The following ACSS2 variants were observed in gnomAD, a reference collection of about 807,000 sequenced individuals.
ACSS2 encodes acyl-CoA synthetase short chain family member 2, also known as acetyl-coenzyme A synthetase, cytoplasmic.
Under a neutral mutation model 90.6 loss-of-function variants are expected in ACSS2, and 58 were observed. That is an observed-to-expected ratio of 0.64 (90% CI 0.52 to 0.80). ACSS2 has a LOEUF of 0.80. ACSS2 is among the 30% of genes least tolerant of loss of function. The probability of loss-of-function intolerance (pLI) is 0.00; values close to 1 mark genes in which losing one functional copy is unlikely to be tolerated. For missense variants in ACSS2, 759 were observed against 912.0 expected, an observed-to-expected ratio of 0.83 and a Z score of 2.16; for synonymous variants, 300 against 330.9, an observed-to-expected ratio of 0.91 and a Z score of 1.01.
upstream of ACSS2, among the ~76,000 whole-genome samples, chr20:34,875,691 A>G (rs1321491077): frequency 6.6e-6 from 1 of 152,268 alleles, no homozygotes. Flanking sequence ...TCTGGAGTCA[A>G]AGAACCTAGC....
At chr20:34,885,185 G>A (rs1348889832) in intron 2 of ACSS2, among the ~76,000 whole-genome samples, 1 of 152,004 alleles carries the variant, frequency 6.6e-6, no homozygotes, top group Non-Finnish European at 1.5e-5. Flanking sequence ...GGGCAACAGA[G>A]CAAGACCCTG....
Position 34,913,443 on chromosome 20 carries a change from C to G in ACSS2, c.517C>G (p.Leu173Val), listed in dbSNP as rs781417915. 5.6e-6 allele frequency: 9 copies of G among 1,613,650 alleles called. No individual in the cohort carries two copies. Among genetic ancestry groups the G allele is most frequent in the African/African-American group, 1.3e-5 (1 of 74,754 alleles). ...VAIYMPMIPE[L>V]VVAMLACARI... ...CATCTACATGCCTATGATCCCAGAG[C>G]TTGTGGTGGCCATGCTGGCATGTGC... The change falls in exon 4 of 18, where the codon CTT becomes GTT. Residue 173 changes from leucine to valine, a missense_variant. Transcript: ENST00000360596.
intron 7 of ACSS2, among the ~76,000 whole-genome samples, chr20:34,915,594 G>A (rs1282465390): frequency 6.6e-6 from 1 of 152,166 alleles, no homozygotes; most frequent in African/African-American, 2.4e-5. Context: ...AGGAGGAGGA[G>A]GAGGTGGAGG....
At chr20:34,900,575 A>T (rs2147032367) in intron 2 of ACSS2, among the ~76,000 whole-genome samples, 1 of 152,274 alleles carries the variant, frequency 6.6e-6, no homozygotes, top group East Asian at 1.9e-4. Context: ...CCACTGATTG[A>T]GGCTATTTAC....
Position 34,913,450 on chromosome 20 carries a change from T to G in ACSS2, c.524T>G (p.Val175Gly). Residue 175 changes from valine to glycine, a missense_variant, in exon 4 of 18, where the codon GTG becomes GGG. By Grantham distance (109) the Val-to-Gly change is moderately radical (BLOSUM62 -3). Coordinates refer to ENST00000360596, the MANE Select transcript of ACSS2 (RefSeq NM_018677.4). ...IYMPMIPELVVAMLACARIGA... is the reference protein window; with the variant it reads ...IYMPMIPELVGAMLACARIGA... ...ATGCCTATGATCCCAGAGCTTGTGG[T>G]GGCCATGCTGGCATGTGCCCGCATT... 6.2e-7 allele frequency: 1 copy of G among 1,612,998 alleles called. No individual in the cohort carries two copies. The highest frequency in any genetic ancestry group is 8.5e-7 in the Non-Finnish European group (1 of 1,179,736).
In ACSS2 at chr20:34,921,327, C is replaced by A; in HGVS notation, c.1278-3C>A. On this transcript the variant is annotated splice_region_variant and splice_polypyrimidine_tract_variant and intron_variant, in intron 10 of 17. Transcript: ENST00000360596. ...CTTCCTCTCTCCCATTCCCCTGCCC[C>A]AGGCATAGCCGGGCATCCTTGCAGG... is the stretch of plus-strand genomic sequence containing the variant. 6.2e-7 allele frequency: 1 copy of A among 1,614,136 alleles called. No individual in the cohort carries two copies.
rs1468948013 is a variant in ACSS2, at chr20:34,913,616, A to T, written c.570+120A>T. ...CTAAGGAGCTTAGAAGGTTTGTGTC[A>T]TAGGTCCATATTAGTTATTCAGTTT... On this transcript the variant is annotated intron_variant, in intron 4 of 17. Coordinates refer to ENST00000360596, the MANE Select transcript of ACSS2 (RefSeq NM_018677.4). 5 of 1,248,808 alleles carry T rather than the reference A, an allele frequency of 4.0e-6. No individual in the cohort carries two copies. The East Asian group carries it at 1.2e-4, about 29-fold the overall frequency. The allele number at this position is 1,248,808 out of a possible 1,614,324, so 77.4% of individuals were successfully genotyped here. A position where few individuals can be genotyped will look rare whatever the true frequency, so the allele number is the denominator to read the frequency against.
intron 1 of ACSS2, among the ~76,000 whole-genome samples, chr20:34,879,147 G>T (rs947315929): frequency 6.6e-6 from 1 of 151,612 alleles, no homozygotes; most frequent in Admixed American, 6.6e-5. Context: ...CTCGTGATCC[G>T]CCCGCCTCGG....
rs374433931 is a variant in ACSS2, at chr20:34,920,719, G to A, written c.1143+10G>A. The stretch of plus-strand genomic sequence containing the variant: ...TGCCACCAGTGTTTTGGTGAGAAGG[G>A]AGCCACCTGGCCTAGCTGGGGGATG... On this transcript the variant is annotated intron_variant, in intron 9 of 17. Coordinates refer to ENST00000360596, the MANE Select transcript of ACSS2 (RefSeq NM_018677.4). 6.2e-7 allele frequency: 1 copy of A among 1,605,556 alleles called. No individual in the cohort carries two copies. The highest frequency in any genetic ancestry group is 1.3e-5 in the African/African-American group (1 of 74,810).
At chr20:34,878,318 A>G (rs2079978281) in intron 1 of ACSS2, among the ~76,000 whole-genome samples, 1 of 152,224 alleles carries the variant, frequency 6.6e-6, no homozygotes, top group Admixed American at 6.5e-5. Flanking sequence ...TCAAATCCAG[A>G]AAAATCTAGA....
chr20:34,921,368 G>A lies in ACSS2; in HGVS notation c.1316G>A (p.Gly439Asp). Reference protein sequence around the residue: ...RASLQVLGTVGEPINPEAWLW... With the variant: ...RASLQVLGTVDEPINPEAWLW... Reference sequence around the variant, plus strand: ...TCCTTGCAGGTGTTAGGCACAGTGGGTGAACCCATCAACCCTGAGGCCTGG... The same window carrying A: ...TCCTTGCAGGTGTTAGGCACAGTGGATGAACCCATCAACCCTGAGGCCTGG... The change falls in exon 11 of 18, where the codon GGT becomes GAT. Residue 439 changes from glycine to aspartate, a missense_variant. Transcript: ENST00000360596. The A allele has an allele frequency of 6.2e-7, 1 of 1,614,234 alleles. No individual in the cohort carries two copies. The highest frequency in any genetic ancestry group is 8.5e-7 in the Non-Finnish European group (1 of 1,180,034).
In ACSS2 at chr20:34,921,080, C is replaced by G; in HGVS notation, c.1218C>G (p.Phe406Leu). The stretch of plus-strand genomic sequence containing the variant: ...TGGACAAATACAAGGTGACCAAGTT[C>G]TACACAGCACCCACAGCCATCCGTC... Reference protein sequence around the residue: ...SIVDKYKVTKFYTAPTAIRLL... With the variant: ...SIVDKYKVTKLYTAPTAIRLL... The change falls in exon 10 of 18, where the codon TTC becomes TTG. Residue 406 changes from phenylalanine to leucine, a missense_variant. Transcript: ENST00000360596. 1 of 1,614,186 alleles carries G rather than the reference C, an allele frequency of 6.2e-7. No homozygotes were observed. The highest frequency in any genetic ancestry group is 1.1e-5 in the South Asian group (1 of 91,076).
chr20:34,886,813 C>T (rs910253270), intron 2 of ACSS2, among the ~76,000 whole-genome samples: 4 of 152,168 alleles, frequency 2.6e-5, no homozygotes, highest in Non-Finnish European at 5.9e-5. Context: ...AAAATGACAT[C>T]TTTTCTGTGA....
intron 2 of ACSS2, among the ~76,000 whole-genome samples, chr20:34,888,253 T>G (rs2080248083): frequency 6.6e-6 from 1 of 152,118 alleles, no homozygotes; most frequent in Non-Finnish European, 1.5e-5. Context: ...ACTAATTAGC[T>G]GTCTGATCTT....
chr20:34,915,372 T>C, intron 7 of ACSS2: 1 of 1,257,208 alleles, frequency 8.0e-7, no homozygotes, highest in Non-Finnish European at 1.2e-6. Context: ...CTCCTTCCCC[T>C]TGCCCCTGGG....
intron 13 of ACSS2, chr20:34,922,962 G>GACCTGC (rs2147102946): frequency 5.7e-6 from 1 of 175,972 alleles, no homozygotes; most frequent in African/African-American, 2.3e-5. Context: ...TATCAAACTG[G>GACCTGC]ACCTGCTTTC....
At chr20:34,911,444 T>C (rs2080956820) in intron 2 of ACSS2, among the ~76,000 whole-genome samples, 1 of 152,036 alleles carries the variant, frequency 6.6e-6, no homozygotes, top group African/African-American at 2.4e-5. Flanking sequence ...TGCCTCGGCC[T>C]CCCAAAGTGC....
chr20:34,903,442 C>A (rs148715537), intron 2 of ACSS2, among the ~76,000 whole-genome samples: 37 of 152,018 alleles, frequency 2.4e-4, no homozygotes, highest in Non-Finnish European at 4.9e-4. Flanking sequence ...TTGTGGTCAT[C>A]CAGGCAAGAG....
At position 34,881,557 on chromosome 20, in the gene ACSS2, G is replaced by A. The variant is rs2080072444; in HGVS notation, c.179-1237G>A. Among the ~76,000 whole-genome samples the A allele has an allele frequency of 2.6e-5, 4 of 152,130 alleles. No individual in the cohort carries two copies. The South Asian group carries it at 8.3e-4, about 31-fold the overall frequency. ...GAATTGCATGATTTGCCCAGTTTAT[G>A]CATCAATTCCTGCTATTCTTTCCCT... On this transcript the variant is annotated intron_variant, in intron 1 of 17. Coordinates refer to ENST00000360596, the MANE Select transcript of ACSS2 (RefSeq NM_018677.4).
Sources: gnomAD v4.1 joint callset for allele counts (sites outside exome capture counted in the v4.1 genomes callset) on GRCh38, gnomAD v4.1.1 for gene constraint, MANE v1.5 for transcripts, NCBI Gene and HGNC (gene_info 2026-07-23, HGNC 2026-07-21) for gene names.